Variants in ADAMTSL1 observed in about 807,000 individuals in gnomAD.
The protein encoded by ADAMTSL1 is ADAMTS-like protein 1.
ADAMTSL1 carries 126 observed loss-of-function variants against 201.8 expected under a neutral mutation model. The observed-to-expected ratio is 0.62, with a 90% CI of 0.54 to 0.72. The LOEUF (loss-of-function observed/expected upper bound fraction) is 0.72, where lower values mean the gene tolerates loss of function less well. Ranked by LOEUF, ADAMTSL1 falls within the 30% of genes least tolerant of loss-of-function variation. The pLI, the probability that ADAMTSL1 is intolerant of heterozygous loss-of-function variation, is 0.00. For synonymous variants in ADAMTSL1, 1,121 were observed against 903.4 expected, an observed-to-expected ratio of 1.24 and a Z score of -4.32; for missense variants, 2,679 against 2,277.8, an observed-to-expected ratio of 1.18 and a Z score of -3.59.
chr9:18,144,340 G>A (rs1826535838), intron 1 of ADAMTSL1, among the ~76,000 whole-genome samples: 1 of 151,880 alleles, frequency 6.6e-6, no homozygotes, highest in African/African-American at 2.4e-5. Context: ...TGGGTAGCTG[G>A]GATTACAGAT....
chr9:18,795,931 C>A (rs892708865), intron 20 of ADAMTSL1, among the ~76,000 whole-genome samples: 3 of 152,158 alleles, frequency 2.0e-5, no homozygotes, highest in Admixed American at 2.0e-4. Flanking sequence ...AGAAAGACTA[C>A]GACCCATAAA....
At chr9:18,148,150 T>G (rs550746693) in intron 1 of ADAMTSL1, among the ~76,000 whole-genome samples, 12 of 152,120 alleles carry the variant, frequency 7.9e-5, no homozygotes, top group African/African-American at 2.6e-4. Flanking sequence ...AACAAAAACC[T>G]GACAAACTTT....
At chr9:18,834,433 T>A (rs1198820293) in intron 23 of ADAMTSL1, among the ~76,000 whole-genome samples, 2 of 152,182 alleles carry the variant, frequency 1.3e-5, no homozygotes, top group African/African-American at 4.8e-5. Flanking sequence ...AAGATACAAA[T>A]ACTTCTTTAT....
intron 3 of ADAMTSL1, among the ~76,000 whole-genome samples, chr9:18,539,202 C>G (rs1228528502): frequency 6.6e-6 from 1 of 152,176 alleles, no homozygotes; most frequent in Non-Finnish European, 1.5e-5. Context: ...AGTTTTAAAA[C>G]AGCATTTATT....
At chr9:18,707,515 T>A (rs976220977) in intron 14 of ADAMTSL1, among the ~76,000 whole-genome samples, 1 of 152,218 alleles carries the variant, frequency 6.6e-6, no homozygotes, top group Non-Finnish European at 1.5e-5. Context: ...TAAAAGGTAA[T>A]TGATACAGTG....
chr9:18,228,785 G>A (rs776849991), intron 2 of ADAMTSL1, among the ~76,000 whole-genome samples: 94 of 151,752 alleles, frequency 6.2e-4, no homozygotes, highest in Non-Finnish European at 1.0e-3. Flanking sequence ...TTCCTGAAAC[G>A]TGTGTGATAC....
intron 2 of ADAMTSL1, among the ~76,000 whole-genome samples, chr9:18,388,015 C>T (rs7874137): frequency 0.96 from 146,219 of 152,156 alleles, 70,528 homozygotes; most frequent in East Asian, 1. Context: ...TTTTTTCATA[C>T]GTAATGTTCT....
intron 2 of ADAMTSL1, among the ~76,000 whole-genome samples, chr9:18,506,318 T>A (rs1817650790): frequency 1.3e-5 from 2 of 152,230 alleles, no homozygotes; most frequent in Admixed American, 1.3e-4. Flanking sequence ...TATTCATACA[T>A]CAGTAAAGCC....
chr9:18,754,441 G>C (rs772904096), intron 16 of ADAMTSL1, among the ~76,000 whole-genome samples: 1 of 152,282 alleles, frequency 6.6e-6, no homozygotes. Flanking sequence ...GACAACAAAG[G>C]CCACAAAAGT....
chr9:18,851,652 A>G (rs999152709), intron 23 of ADAMTSL1, among the ~76,000 whole-genome samples: 2 of 152,180 alleles, frequency 1.3e-5, no homozygotes, highest in African/African-American at 4.8e-5. Context: ...GAATGATCCC[A>G]TGGTTTGTGT....
intron 2 of ADAMTSL1, among the ~76,000 whole-genome samples, chr9:18,251,553 T>C (rs1402293493): frequency 6.6e-6 from 1 of 152,230 alleles, no homozygotes; most frequent in East Asian, 1.9e-4. Flanking sequence ...ATTAAATTCA[T>C]TTTCTATTAG....
chr9:18,534,053 G>A lies in ADAMTSL1; in HGVS notation c.237+761G>A, dbSNP rs1196796614. The stretch of plus-strand genomic sequence containing the variant: ...TTGAGTATAGCAGTATAAAAGAGAA[G>A]AATTGAAATATATTTTTGAGGTTAT... On this transcript the variant is annotated intron_variant, in intron 3 of 28. Coordinates refer to ENST00000380548, the MANE Select transcript of ADAMTSL1 (RefSeq NM_001040272.6). Among the ~76,000 whole-genome samples, 5 of 152,114 alleles carry A rather than the reference G, an allele frequency of 3.3e-5. No individual in the cohort carries two copies. In the East Asian group the frequency reaches 7.7e-4, roughly 23 times the overall value.
chr9:18,075,302 A>G (rs1823167064), intron 1 of ADAMTSL1, among the ~76,000 whole-genome samples: 1 of 152,210 alleles, frequency 6.6e-6, no homozygotes, highest in Non-Finnish European at 1.5e-5. Flanking sequence ...TGTATGGTAC[A>G]CTTGTATGCA....
At chr9:18,565,610 G>A (rs754436937) in intron 3 of ADAMTSL1, among the ~76,000 whole-genome samples, 1 of 150,600 alleles carries the variant, frequency 6.6e-6, no homozygotes, top group Non-Finnish European at 1.5e-5. Flanking sequence ...TCAAAAAGGA[G>A]GGAAAATTAG....
At chr9:17,931,964 C>G (rs912613950) in intron 1 of ADAMTSL1, among the ~76,000 whole-genome samples, 2 of 152,110 alleles carry the variant, frequency 1.3e-5, no homozygotes, top group Non-Finnish European at 2.9e-5. Flanking sequence ...AGAGCAAGAC[C>G]GCAATGTAGA....
chr9:18,516,194 A>G (rs948338421), intron 2 of ADAMTSL1, among the ~76,000 whole-genome samples: 9 of 152,268 alleles, frequency 5.9e-5, no homozygotes, highest in African/African-American at 2.2e-4. Flanking sequence ...GAAAAGAGTT[A>G]TCTGACCCTG....
intron 1 of ADAMTSL1, among the ~76,000 whole-genome samples, chr9:17,982,955 AT>A (rs1388555859): frequency 1.3e-5 from 2 of 151,900 alleles, no homozygotes; most frequent in Non-Finnish European, 2.9e-5. Flanking sequence ...GGAAAAAAAA[AT>A]CATCCTCAGA....
chr9:18,549,739 A>G (rs1022234099), intron 3 of ADAMTSL1, among the ~76,000 whole-genome samples: 3 of 152,004 alleles, frequency 2.0e-5, no homozygotes, highest in African/African-American at 7.2e-5. Context: ...GGAAGCAATC[A>G]AGGGACACTG....
chr9:18,543,852 C>T (rs1030742204), intron 3 of ADAMTSL1, among the ~76,000 whole-genome samples: 4 of 152,158 alleles, frequency 2.6e-5, no homozygotes, highest in Non-Finnish European at 4.4e-5. Context: ...CCTCTCCTCT[C>T]GGCCTTCTTC....
Sources: gnomAD v4.1 joint callset for allele counts (sites outside exome capture counted in the v4.1 genomes callset) on GRCh38, gnomAD v4.1.1 for gene constraint, MANE v1.5 for transcripts, NCBI Gene and HGNC (gene_info 2026-07-23, HGNC 2026-07-21) for gene names.